ZNF407: variants seen among roughly 807,000 people sequenced by gnomAD.
ZNF407 encodes the protein zinc finger protein 407.
A neutral mutation model predicts 131.2 loss-of-function variants in ZNF407; 17 were observed. The ratio of observed to expected loss-of-function variants is 0.13; its 90% confidence interval spans 0.09 to 0.19. The LOEUF (loss-of-function observed/expected upper bound fraction) is 0.19, where lower values mean the gene tolerates loss of function less well. ZNF407 is among the 10% of genes least tolerant of loss of function. The pLI is 1.00. For synonymous variants in ZNF407, 1,156 were observed against 1,062.0 expected (o/e 1.09, Z -1.72); for missense variants, 2,681 against 2,830.6 (o/e 0.95, Z 1.20).
At chr18:74,855,444 G>A (rs567768902) in intron 4 of ZNF407, among the ~76,000 whole-genome samples, 1 of 152,158 alleles carries the variant, frequency 6.6e-6, no homozygotes, top group African/African-American at 2.4e-5. Flanking sequence ...ACAAAAGCTT[G>A]GTACTTTTAA....
intron 3 of ZNF407, among the ~76,000 whole-genome samples, chr18:74,676,685 T>C (rs12959304): frequency 0.13 from 20,347 of 152,000 alleles, 1,479 homozygotes; most frequent in African/African-American, 0.19. Context: ...CTGCCCGCCT[T>C]GGCCTCCCAG....
chr18:74,867,326 G>A (rs189019422), intron 4 of ZNF407, among the ~76,000 whole-genome samples: 3 of 152,316 alleles, frequency 2.0e-5, no homozygotes, highest in African/African-American at 7.2e-5. Context: ...GGCACGAATT[G>A]CTGGCAAGAA....
intron 8 of ZNF407, among the ~76,000 whole-genome samples, chr18:74,991,704 A>G (rs1972720925): frequency 6.6e-6 from 1 of 152,166 alleles, no homozygotes; most frequent in Non-Finnish European, 1.5e-5. Flanking sequence ...TTTCTCTAAC[A>G]TTTCTGAGCC....
At chr18:74,991,479 A>G (rs1229173560) in intron 8 of ZNF407, among the ~76,000 whole-genome samples, 3 of 152,208 alleles carry the variant, frequency 2.0e-5, no homozygotes, top group Admixed American at 6.5e-5. Flanking sequence ...CTCTTTTACA[A>G]TGAAGAGAAG....
Position 74,978,962 on chromosome 18 carries a change from T to G in ZNF407, c.5428+58270T>G, listed in dbSNP as rs532691384. ...AGGCGTGAGGGCTGTGGGCGGCAAATGAGACCTGTGGAGGCTGCTGTGTAG... is the reference window on the plus strand; with the variant it reads ...AGGCGTGAGGGCTGTGGGCGGCAAAGGAGACCTGTGGAGGCTGCTGTGTAG... On this transcript the variant is annotated intron_variant, in intron 8 of 8. Coordinates refer to ENST00000299687, the MANE Select transcript of ZNF407 (RefSeq NM_017757.3). 1.9e-3 allele frequency among the ~76,000 whole-genome samples: 283 copies of G among 152,068 alleles called. 1 individual carries two copies. Among genetic ancestry groups the G allele is most frequent in the Non-Finnish European group, 2.8e-3 (188 of 67,966 alleles).
intron 8 of ZNF407, among the ~76,000 whole-genome samples, chr18:75,037,746 G>C (rs760922197): frequency 6.6e-6 from 1 of 152,138 alleles, no homozygotes; most frequent in Non-Finnish European, 1.5e-5. Context: ...GAAAGACTGC[G>C]ATCTGTGCCT....
intron 8 of ZNF407, among the ~76,000 whole-genome samples, chr18:74,976,540 AGC>A (rs1972530877): frequency 6.6e-6 from 1 of 152,152 alleles, no homozygotes; most frequent in African/African-American, 2.4e-5. Flanking sequence ...AAAGACCGAG[AGC>A]TTTTGGAACT....
At position 74,982,427 on chromosome 18, in the gene ZNF407, T is replaced by C. The variant is rs149251043; in HGVS notation, c.5428+61735T>C. On this transcript the variant is annotated intron_variant, in intron 8 of 8. Transcript: ENST00000299687. ...AAATAAGAAAATCCAATAATTATTATTGGCGATTATGGAATACTTACCGAG... is the reference window on the plus strand; with the variant it reads ...AAATAAGAAAATCCAATAATTATTACTGGCGATTATGGAATACTTACCGAG... Among the ~76,000 whole-genome samples the C allele has an allele frequency of 5.3e-3, 812 of 152,338 alleles. 9 individuals are homozygous for C. Among genetic ancestry groups the C allele is most frequent in the African/African-American group, 0.018 (764 of 41,568 alleles).
intron 8 of ZNF407, among the ~76,000 whole-genome samples, chr18:74,958,029 A>G (rs1216833338): frequency 6.6e-6 from 1 of 152,172 alleles, no homozygotes; most frequent in Non-Finnish European, 1.5e-5. Context: ...CTGCTCAGGT[A>G]TTTGTGAGCT....
intron 8 of ZNF407, among the ~76,000 whole-genome samples, chr18:74,960,554 G>A (rs1972329314): frequency 1.4e-5 from 2 of 147,078 alleles, no homozygotes; most frequent in Non-Finnish European, 3.0e-5. Flanking sequence ...TCAGTGCTTG[G>A]TGGAGGGATA....
chr18:75,050,885 A>T (rs1311885502), intron 8 of ZNF407, among the ~76,000 whole-genome samples: 1 of 152,244 alleles, frequency 6.6e-6, no homozygotes, highest in East Asian at 1.9e-4. Context: ...TGAGGAATCA[A>T]ACCCAAGCAT....
chr18:74,762,757 T>TTG (rs1969125673), intron 3 of ZNF407, among the ~76,000 whole-genome samples: 1 of 152,068 alleles, frequency 6.6e-6, no homozygotes, highest in African/African-American at 2.4e-5. Context: ...TTCTTTTTTG[T>TTG]TGTTGTTGTA....
intron 4 of ZNF407, among the ~76,000 whole-genome samples, chr18:74,787,789 C>T (rs1222663860): frequency 1.3e-5 from 2 of 152,164 alleles, no homozygotes; most frequent in East Asian, 1.9e-4. Context: ...TTCTTCCTTT[C>T]GTAAATTGAC....
intron 4 of ZNF407, among the ~76,000 whole-genome samples, chr18:74,836,072 G>C (rs1331249074): frequency 6.6e-6 from 1 of 151,188 alleles, no homozygotes; most frequent in African/African-American, 2.4e-5. Context: ...TAGAAGCTTC[G>C]TGGGACCCAG....
chr18:74,866,536 CTCAAATTTCTTGAAATTATGTA>C (rs1282400388), intron 4 of ZNF407, among the ~76,000 whole-genome samples: 1 of 152,050 alleles, frequency 6.6e-6, no homozygotes, highest in Non-Finnish European at 1.5e-5. Flanking sequence ...AGCATATGTA[CTCAAATTTCTTGAAATTATGTA>C]TCCATAATAG....
intron 8 of ZNF407, among the ~76,000 whole-genome samples, chr18:75,051,909 T>C (rs1973505535): frequency 6.6e-6 from 1 of 152,214 alleles, no homozygotes; most frequent in Non-Finnish European, 1.5e-5. Context: ...CAGGTTCATT[T>C]GACACACAGC....
At chr18:74,757,448 A>C (rs538004894) in intron 3 of ZNF407, among the ~76,000 whole-genome samples, 2 of 152,128 alleles carry the variant, frequency 1.3e-5, no homozygotes, top group South Asian at 4.1e-4. Flanking sequence ...CATATTTGTT[A>C]ATCTCCCAAA....
intron 3 of ZNF407, among the ~76,000 whole-genome samples, chr18:74,711,457 T>C (rs1434893582): frequency 6.6e-6 from 1 of 152,148 alleles, no homozygotes; most frequent in Non-Finnish European, 1.5e-5. Context: ...AAGGACTTGA[T>C]TCCGCATAGC....
intron 3 of ZNF407, among the ~76,000 whole-genome samples, chr18:74,734,570 G>T (rs563145727): frequency 6.6e-6 from 1 of 152,174 alleles, no homozygotes; most frequent in East Asian, 1.9e-4. Flanking sequence ...TGCCTTTAAG[G>T]AGGATAGTTT....
Sources: allele counts gnomAD v4.1 joint callset (sites outside exome capture counted in the v4.1 genomes callset), GRCh38; gene constraint gnomAD v4.1.1; transcripts MANE v1.5; gene names NCBI Gene and HGNC (gene_info 2026-07-23, HGNC 2026-07-21).